Variants in PDZRN3 observed in about 807,000 individuals in gnomAD.
PDZRN3 encodes PDZ domain containing ring finger 3, also known as E3 ubiquitin-protein ligase PDZRN3.
A neutral mutation model predicts 85.7 loss-of-function variants in PDZRN3; 38 were observed. That is an observed-to-expected ratio of 0.44 (90% CI 0.34 to 0.58). The LOEUF (loss-of-function observed/expected upper bound fraction) is 0.58. Among genes scored for constraint, PDZRN3 ranks in the 20% least tolerant of loss-of-function variants. The probability of loss-of-function intolerance (pLI) is 0.01; values close to 1 mark genes in which losing one functional copy is unlikely to be tolerated. For missense variants in PDZRN3, 1,629 were observed against 1,506.4 expected, an observed-to-expected ratio of 1.08 and a Z score of -1.35; for synonymous variants, 759 against 638.0, an observed-to-expected ratio of 1.19 and a Z score of -2.86.
chr3:73,419,907 G>A (rs1422380585), intron 3 of PDZRN3, among the ~76,000 whole-genome samples: 1 of 152,214 alleles, frequency 6.6e-6, no homozygotes, highest in Non-Finnish European at 1.5e-5. Flanking sequence ...GGAGGGGGAT[G>A]TGGTTAACAT....
intron 1 of PDZRN3, among the ~76,000 whole-genome samples, chr3:73,617,984 G>A (rs1030795608): frequency 6.6e-6 from 1 of 152,240 alleles, no homozygotes; most frequent in South Asian, 2.1e-4. Context: ...GAGATTACAG[G>A]CGTGAGCCAC....
At chr3:73,418,977 G>C (rs770974146) in intron 3 of PDZRN3, among the ~76,000 whole-genome samples, 1 of 152,134 alleles carries the variant, frequency 6.6e-6, no homozygotes, top group Non-Finnish European at 1.5e-5. Context: ...TTTTAACAAT[G>C]AAGCTAAAGG....
At chr3:73,532,312 A>C (rs948758858) in intron 3 of PDZRN3, among the ~76,000 whole-genome samples, 19 of 152,110 alleles carry the variant, frequency 1.2e-4, no homozygotes, top group Admixed American at 1.0e-3. Context: ...AATTCCAAGC[A>C]TTTTTAAGCA....
intron 3 of PDZRN3, among the ~76,000 whole-genome samples, chr3:73,477,153 T>C (rs973241103): frequency 1.3e-5 from 2 of 152,216 alleles, no homozygotes; most frequent in Non-Finnish European, 2.9e-5. Context: ...ATACACCTCA[T>C]GGGGTTGTAT....
intron 3 of PDZRN3, among the ~76,000 whole-genome samples, chr3:73,578,162 C>CTTTT (rs61521063): frequency 3.5e-5 from 4 of 115,334 alleles, no homozygotes; most frequent in African/African-American, 1.3e-4. Flanking sequence ...TTTGACCATT[C>CTTTT]TTTTTTTTTT....
Position 73,624,086 on chromosome 3 carries a change from G to A in PDZRN3, c.723+17C>T. ...AGGGATCCTGGCTGGAGGTCGGGGC[G>A]GGCAGCAGGCGCCTACCTTGCCGCC... is the stretch of plus-strand genomic sequence containing the variant. On this transcript the variant is annotated intron_variant, in intron 1 of 9. Coordinates refer to ENST00000263666, the MANE Select transcript of PDZRN3 (RefSeq NM_015009.3). The A allele has an allele frequency of 6.3e-6, 9 of 1,429,404 alleles. No individual in the cohort carries two copies. The highest frequency in any genetic ancestry group is 7.3e-6 in the Non-Finnish European group (8 of 1,100,814). 88.5% of individuals were successfully genotyped at this position (1,429,404 alleles called of 1,614,324 possible). A position where few individuals can be genotyped will look rare whatever the true frequency, so the allele number is the denominator to read the frequency against.
chr3:73,454,050 G>A (rs1702929090), intron 3 of PDZRN3, among the ~76,000 whole-genome samples: 1 of 152,130 alleles, frequency 6.6e-6, no homozygotes, highest in South Asian at 2.1e-4. Flanking sequence ...GAAAAGTACA[G>A]GTAAAAATTA....
chr3:73,537,346 G>A (rs1323232488), intron 3 of PDZRN3, among the ~76,000 whole-genome samples: 1 of 152,202 alleles, frequency 6.6e-6, no homozygotes, highest in East Asian at 1.9e-4. Context: ...ACTTGAACAA[G>A]TAATAAATAT....
chr3:73,524,791 C>T (rs1704482117), intron 3 of PDZRN3, among the ~76,000 whole-genome samples: 2 of 151,938 alleles, frequency 1.3e-5, no homozygotes, highest in Admixed American at 6.6e-5. Context: ...TAAAAGTGAA[C>T]ATAATCCTAG....
At chr3:73,440,303 T>C (rs9816248) in intron 3 of PDZRN3, among the ~76,000 whole-genome samples, 32,232 of 152,082 alleles carry the variant, frequency 0.21, 7,000 homozygotes, top group African/African-American at 0.56. Context: ...TATGTGCCTG[T>C]CATGGCTAGC....
intron 3 of PDZRN3, among the ~76,000 whole-genome samples, chr3:73,487,824 G>C (rs1287301450): frequency 1.3e-5 from 2 of 152,118 alleles, no homozygotes; most frequent in African/African-American, 4.8e-5. Context: ...GCCAGAAGCG[G>C]GGCCTTTGGC....
At chr3:73,516,842 T>C (rs935471040) in intron 3 of PDZRN3, among the ~76,000 whole-genome samples, 6 of 152,160 alleles carry the variant, frequency 3.9e-5, no homozygotes, top group Non-Finnish European at 7.3e-5. Flanking sequence ...TACAGATCCA[T>C]TTATGGTCTT....
chr3:73,442,385 C>G (rs36056470), intron 3 of PDZRN3, among the ~76,000 whole-genome samples: 10,546 of 151,976 alleles, frequency 0.069, 391 homozygotes, highest in Middle Eastern at 0.17. Flanking sequence ...GGGGAGAGAC[C>G]CTAAGGAGAG....
chr3:73,509,234 C>T (rs1004424480), intron 3 of PDZRN3, among the ~76,000 whole-genome samples: 3 of 152,126 alleles, frequency 2.0e-5, no homozygotes, highest in Admixed American at 2.0e-4. Context: ...GTGACTTTGC[C>T]CTCATAATCA....
intron 3 of PDZRN3, among the ~76,000 whole-genome samples, chr3:73,471,952 G>C (rs769893111): frequency 1.3e-5 from 2 of 152,136 alleles, no homozygotes; most frequent in Non-Finnish European, 2.9e-5. Context: ...CCTGAAATGC[G>C]GGTAGACAGG....
At chr3:73,541,963 T>C (rs1321979510) in intron 3 of PDZRN3, among the ~76,000 whole-genome samples, 1 of 152,114 alleles carries the variant, frequency 6.6e-6, no homozygotes, top group Non-Finnish European at 1.5e-5. Flanking sequence ...TGAGTAATAA[T>C]TTTCAAAAGA....
At chr3:73,416,443 C>CA (rs1483682262) in intron 3 of PDZRN3, among the ~76,000 whole-genome samples, 1 of 151,848 alleles carries the variant, frequency 6.6e-6, no homozygotes, top group Non-Finnish European at 1.5e-5. Flanking sequence ...GCCATACCGA[C>CA]ATAGTCTTTC....
chr3:73,550,100 A>G (rs897547815), intron 3 of PDZRN3, among the ~76,000 whole-genome samples: 1 of 152,158 alleles, frequency 6.6e-6, no homozygotes, highest in Non-Finnish European at 1.5e-5. Flanking sequence ...AGCACAGGAA[A>G]TCCTGTCTTT....
chr3:73,559,939 T>A (rs981006014), intron 3 of PDZRN3, among the ~76,000 whole-genome samples: 4 of 152,202 alleles, frequency 2.6e-5, no homozygotes, highest in African/African-American at 7.2e-5. Context: ...CCCAGTTCAT[T>A]TACAAATCAC....
Sources: gnomAD v4.1 joint callset for allele counts (sites outside exome capture counted in the v4.1 genomes callset) on GRCh38, gnomAD v4.1.1 for gene constraint, MANE v1.5 for transcripts, NCBI Gene and HGNC (gene_info 2026-07-23, HGNC 2026-07-21) for gene names.